Variants in SFRP1 observed in about 807,000 individuals in gnomAD.
The protein encoded by SFRP1 is secreted frizzled related protein 1.
A neutral mutation model predicts 25.9 loss-of-function variants in SFRP1; 9 were observed. The observed-to-expected ratio is 0.35, with a 90% CI of 0.21 to 0.61. The LOEUF is 0.61. Among genes scored for constraint, SFRP1 ranks in the 20% least tolerant of loss-of-function variants. SFRP1 has a pLI of 0.78. For missense variants in SFRP1, 346 were observed against 418.2 expected (o/e 0.83, Z 1.51); for synonymous variants, 178 against 174.0 (o/e 1.02, Z -0.18).
In SFRP1 at chr8:41,303,451, G is replaced by T. The variant is rs200489767; in HGVS notation, c.622+10C>A. 2 of 1,610,758 alleles carry T rather than the reference G, an allele frequency of 1.2e-6. No individual in the cohort carries two copies. Among genetic ancestry groups the T allele is most frequent in the Admixed American group, 1.7e-5 (1 of 59,948 alleles). On this transcript the variant is annotated intron_variant, in intron 2 of 2. Coordinates refer to ENST00000220772, the MANE Select transcript of SFRP1 (RefSeq NM_003012.5). The stretch of plus-strand genomic sequence containing the variant: ...AAACCTTCCAGAGGCAGCTAGAAAC[G>T]CTTTCTTACCAAACTCGCTGGCACA...
rs948448087 is a variant in SFRP1 at position 41,285,671 on chromosome 8, C to A, written c.622+17790G>T. Among the ~76,000 whole-genome samples, 5 of 152,192 alleles carry A rather than the reference C, an allele frequency of 3.3e-5. No individual in the cohort carries two copies. In the East Asian group the frequency reaches 7.7e-4, roughly 23 times the overall value. ...ATACAACAGCAGGGCTGTGGCCCAGCCCCCCAACCCTTCCAACTCAGGAAA... is the reference window on the plus strand; with the variant it reads ...ATACAACAGCAGGGCTGTGGCCCAGACCCCCAACCCTTCCAACTCAGGAAA... On this transcript the variant is annotated intron_variant, in intron 2 of 2. Transcript: ENST00000220772.
At chr8:41,283,182 C>T (rs752104276) in intron 2 of SFRP1, among the ~76,000 whole-genome samples, 3 of 152,094 alleles carry the variant, frequency 2.0e-5, no homozygotes, top group Non-Finnish European at 4.4e-5. Context: ...CTTGTTTCTC[C>T]TTCCCTTTGC....
chr8:41,302,971 C>T (rs115495482), intron 2 of SFRP1, among the ~76,000 whole-genome samples: 1 of 150,944 alleles, frequency 6.6e-6, no homozygotes, highest in Non-Finnish European at 1.5e-5. Context: ...AAGCATTGAA[C>T]TCTCCCCTCC....
At chr8:41,274,773 T>C (rs1258358067) in intron 2 of SFRP1, among the ~76,000 whole-genome samples, 1 of 152,214 alleles carries the variant, frequency 6.6e-6, no homozygotes, top group African/African-American at 2.4e-5. Flanking sequence ...TTTTAAACTA[T>C]ATTTACGTTG....
chr8:41,282,205 G>A (rs4368962), intron 2 of SFRP1, among the ~76,000 whole-genome samples: 75,524 of 152,092 alleles, frequency 0.5, 19,704 homozygotes, highest in African/African-American at 0.67. Flanking sequence ...TTGTAGCTCT[G>A]TGTTTTGTAA....
intron 1 of SFRP1, 101 bp downstream of exon 1, chr8:41,308,515 G>A: frequency 1.0e-6 from 1 of 961,724 alleles, no homozygotes; most frequent in African/African-American, 1.6e-5. Flanking sequence ...CCCAGCACCG[G>A]GACCCAGCGG....
intron 2 of SFRP1, among the ~76,000 whole-genome samples, chr8:41,295,397 T>C (rs1290321919): frequency 6.6e-6 from 1 of 151,780 alleles, no homozygotes; most frequent in African/African-American, 2.4e-5. Context: ...AGCATGGTGG[T>C]GGGCGCCTGT....
chr8:41,302,671 T>C (rs773818225), intron 2 of SFRP1, among the ~76,000 whole-genome samples: 3 of 152,152 alleles, frequency 2.0e-5, no homozygotes, highest in Non-Finnish European at 4.4e-5. Flanking sequence ...GGGTGCCGTT[T>C]ACATTTACTT....
At chr8:41,288,507 A>G (rs1422092304) in intron 2 of SFRP1, among the ~76,000 whole-genome samples, 1 of 128,042 alleles carries the variant, frequency 7.8e-6, no homozygotes, top group Non-Finnish European at 1.6e-5. Context: ...ACCGCAGTCC[A>G]GCCTGGGCAA....
intron 1 of SFRP1, 63 bp downstream of exon 1, chr8:41,308,553 T>C: frequency 1.5e-6 from 2 of 1,360,536 alleles, no homozygotes; most frequent in Non-Finnish European, 1.0e-6. Flanking sequence ...GCGCGGGTTC[T>C]CCTGCAGCTC....
chr8:41,306,752 T>G (rs1469495906), intron 1 of SFRP1: 1 of 1,597,692 alleles, frequency 6.3e-7, no homozygotes, highest in Non-Finnish European at 8.5e-7. Context: ...TGGAGGTGAG[T>G]GAGGACGGTT....
At chr8:41,292,655 A>G (rs1041752941) in intron 2 of SFRP1, among the ~76,000 whole-genome samples, 1 of 152,120 alleles carries the variant, frequency 6.6e-6, no homozygotes. Flanking sequence ...AAGAAATGAT[A>G]TCAACACTTC....
chr8:41,306,753 G>A (rs574204284), intron 1 of SFRP1: 27 of 1,597,938 alleles, frequency 1.7e-5, no homozygotes, highest in Non-Finnish European at 2.3e-5. Context: ...GGAGGTGAGT[G>A]AGGACGGTTC....
chr8:41,276,336 C>T (rs768308498), intron 2 of SFRP1, among the ~76,000 whole-genome samples: 10 of 152,202 alleles, frequency 6.6e-5, no homozygotes, highest in East Asian at 1.9e-4. Flanking sequence ...GCACTGGGTA[C>T]GGCATTTGGC....
intron 2 of SFRP1, among the ~76,000 whole-genome samples, chr8:41,279,489 C>G (rs1306343726): frequency 1.3e-5 from 2 of 152,138 alleles, no homozygotes; most frequent in Non-Finnish European, 2.9e-5. Context: ...CAGAAAGGTT[C>G]AAGTCCCACA....
In SFRP1 at chr8:41,293,727, C is replaced by T. The variant is rs1055251513; in HGVS notation, c.622+9734G>A. The stretch of plus-strand genomic sequence containing the variant: ...AAAAAAGCATGGCAAAGGCCTGTCT[C>T]GCCCACCAGATTCTTGGGGGTTTTG... On this transcript the variant is annotated intron_variant, in intron 2 of 2. Transcript: ENST00000220772. Among the ~76,000 whole-genome samples the T allele has an allele frequency of 5.9e-5, 9 of 152,152 alleles. No homozygotes were observed. The East Asian group carries it at 1.6e-3, about 26-fold the overall frequency.
intron 2 of SFRP1, among the ~76,000 whole-genome samples, chr8:41,281,154 G>T (rs550940102): frequency 1.3e-5 from 2 of 152,066 alleles, no homozygotes; most frequent in Non-Finnish European, 2.9e-5. Context: ...CTCCTACCTC[G>T]TTCATGGCCT....
At chr8:41,268,121 G>C (rs1484790747) in intron 2 of SFRP1, among the ~76,000 whole-genome samples, 1 of 152,252 alleles carries the variant, frequency 6.6e-6, no homozygotes, top group Non-Finnish European at 1.5e-5. Context: ...CTGCAGAGAA[G>C]TGAGCCATTG....
At chr8:41,282,046 C>T (rs2117494462) in intron 2 of SFRP1, among the ~76,000 whole-genome samples, 1 of 152,246 alleles carries the variant, frequency 6.6e-6, no homozygotes, top group South Asian at 2.1e-4. Context: ...AAAAGGTGGC[C>T]CCTCCATTCC....
Sources: gnomAD v4.1 joint callset for allele counts (sites outside exome capture counted in the v4.1 genomes callset) on GRCh38, gnomAD v4.1.1 for gene constraint, MANE v1.5 for transcripts, NCBI Gene and HGNC (gene_info 2026-07-23, HGNC 2026-07-21) for gene names.